Variants in ANKS1B observed in about 807,000 individuals in gnomAD.
ANKS1B encodes the protein ankyrin repeat and sterile alpha motif domain-containing protein 1B.
In ANKS1B, 36 loss-of-function variants were observed where a neutral mutation model predicts 148.3. That is an observed-to-expected ratio of 0.24 (90% CI 0.19 to 0.32). The LOEUF (loss-of-function observed/expected upper bound fraction) is 0.32. Among genes scored for constraint, ANKS1B ranks in the 10% least tolerant of loss-of-function variants. ANKS1B has a pLI of 1.00. For synonymous variants in ANKS1B, 542 were observed against 560.8 expected, an observed-to-expected ratio of 0.97 and a Z score of 0.47; for missense variants, 1,157 against 1,542.6, an observed-to-expected ratio of 0.75 and a Z score of 4.19.
intron 14 of ANKS1B, among the ~76,000 whole-genome samples, chr12:99,174,550 C>G (rs2078153223): frequency 6.6e-6 from 1 of 152,154 alleles, no homozygotes. Flanking sequence ...TAGGGTCTCT[C>G]TCCCTCTGCT....
At chr12:99,533,118 A>T (rs774038013) in intron 9 of ANKS1B, among the ~76,000 whole-genome samples, 2 of 152,208 alleles carry the variant, frequency 1.3e-5, no homozygotes, top group Non-Finnish European at 2.9e-5. Flanking sequence ...TGCTTTGAGC[A>T]GTATGGTCAT....
intron 10 of ANKS1B, among the ~76,000 whole-genome samples, chr12:99,502,515 T>C (rs1035038821): frequency 6.6e-6 from 1 of 152,194 alleles, no homozygotes; most frequent in Non-Finnish European, 1.5e-5. Context: ...TGATTCCTAA[T>C]ATCTACCCCA....
intron 14 of ANKS1B, among the ~76,000 whole-genome samples, chr12:99,188,232 A>G (rs1016559725): frequency 6.6e-6 from 1 of 152,214 alleles, no homozygotes; most frequent in Non-Finnish European, 1.5e-5. Flanking sequence ...TTAGACTCCC[A>G]CACAATAATA....
At chr12:99,527,500 G>C (rs549936727) in intron 9 of ANKS1B, among the ~76,000 whole-genome samples, 11 of 152,298 alleles carry the variant, frequency 7.2e-5, no homozygotes, top group African/African-American at 2.4e-4. Flanking sequence ...ATCCGGATTT[G>C]TGGCTCTCCC....
At chr12:98,945,279 T>C (rs542462102) in intron 17 of ANKS1B, among the ~76,000 whole-genome samples, 36 of 152,206 alleles carry the variant, frequency 2.4e-4, no homozygotes, top group African/African-American at 8.7e-4. Context: ...GCAGATCACT[T>C]GAGCTCAGGA....
chr12:99,708,485 T>TA (rs2056153172), intron 8 of ANKS1B, among the ~76,000 whole-genome samples: 1 of 152,148 alleles, frequency 6.6e-6, no homozygotes, highest in East Asian at 1.9e-4. Flanking sequence ...TTCACTGGGC[T>TA]AAAGTCAAGG....
At position 98,936,469 on chromosome 12, in the gene ANKS1B, A is replaced by G. The variant is rs941679223; in HGVS notation, c.2779-104333T>C. Among the ~76,000 whole-genome samples, 3 of 152,242 alleles carry G rather than the reference A, an allele frequency of 2.0e-5. No homozygotes were observed. The South Asian group carries it at 6.2e-4, about 32-fold the overall frequency. On this transcript the variant is annotated intron_variant, in intron 17 of 26. Coordinates refer to ENST00000683438, the MANE Select transcript of ANKS1B (RefSeq NM_001352186.2). ...TGTTGAAACCTCGTCTCTACTAAAA[A>G]TACAAAAATTAGCCGGGCGTGGTGG...
At chr12:99,302,772 A>C (rs1163886949) in intron 12 of ANKS1B, among the ~76,000 whole-genome samples, 3 of 152,182 alleles carry the variant, frequency 2.0e-5, no homozygotes, top group Admixed American at 2.0e-4. Flanking sequence ...TTCCTCTCTT[A>C]TGCAAGTATA....
chr12:99,667,422 A>G (rs990073040), intron 8 of ANKS1B, among the ~76,000 whole-genome samples: 1 of 151,696 alleles, frequency 6.6e-6, no homozygotes, highest in African/African-American at 2.4e-5. Context: ...CATGTAAAAA[A>G]AAAATTTGAT....
chr12:99,671,916 T>C (rs1055507067), intron 8 of ANKS1B, among the ~76,000 whole-genome samples: 2 of 152,244 alleles, frequency 1.3e-5, no homozygotes, highest in Non-Finnish European at 2.9e-5. Context: ...AACCTGATGT[T>C]TTCTCCCCCA....
chr12:99,700,590 A>G (rs144196953), intron 8 of ANKS1B, among the ~76,000 whole-genome samples: 2 of 152,156 alleles, frequency 1.3e-5, no homozygotes, highest in African/African-American at 2.4e-5. Context: ...TCAGCACATA[A>G]TATTTTTTTT....
intron 9 of ANKS1B, among the ~76,000 whole-genome samples, chr12:99,510,881 G>T (rs936223654): frequency 3.3e-5 from 5 of 151,970 alleles, no homozygotes; most frequent in Non-Finnish European, 5.9e-5. Context: ...TTTGTATCCT[G>T]AGAGTTTGCT....
At chr12:99,591,361 A>G (rs983079620) in intron 9 of ANKS1B, among the ~76,000 whole-genome samples, 4 of 152,084 alleles carry the variant, frequency 2.6e-5, no homozygotes, top group Non-Finnish European at 5.9e-5. Flanking sequence ...AAGAGCAAAG[A>G]AAAATATTCT....
At position 98,850,889 on chromosome 12, in the gene ANKS1B, A is replaced by G. The variant is rs532768413; in HGVS notation, c.2779-18753T>C. ...AGCCAAGACCTAACCTTATGCAGAA[A>G]AAGGAACAATGCTTTAACTAGGCAC... On this transcript the variant is annotated intron_variant, in intron 17 of 26. Coordinates refer to ENST00000683438, the MANE Select transcript of ANKS1B (RefSeq NM_001352186.2). 5.3e-5 allele frequency among the ~76,000 whole-genome samples: 8 copies of G among 152,332 alleles called. No homozygotes were observed. The South Asian group carries it at 1.7e-3, about 32-fold the overall frequency.
intron 9 of ANKS1B, among the ~76,000 whole-genome samples, chr12:99,557,823 T>G (rs2097293447): frequency 6.6e-6 from 1 of 152,270 alleles, no homozygotes; most frequent in Middle Eastern, 3.4e-3. Context: ...AAGCCGTCTT[T>G]TAGATGAGGT....
chr12:99,812,511 CCA>C (rs10539640), intron 2 of ANKS1B, among the ~76,000 whole-genome samples, 200 bp from the exon 3 acceptor site: 11,173 of 125,812 alleles, frequency 0.089, 474 homozygotes, highest in East Asian at 0.13. Context: ...TCACCCCATG[CCA>C]CACACACACA....
chr12:98,843,077 C>A (rs1448986836), intron 17 of ANKS1B, among the ~76,000 whole-genome samples: 5 of 152,158 alleles, frequency 3.3e-5, no homozygotes, highest in African/African-American at 1.2e-4. Flanking sequence ...CACTCAAGAA[C>A]CAGAGAATAA....
intron 17 of ANKS1B, among the ~76,000 whole-genome samples, chr12:98,931,448 C>G (rs2099813610): frequency 6.6e-6 from 1 of 152,234 alleles, no homozygotes; most frequent in Middle Eastern, 3.4e-3. Context: ...AATAAGGCAA[C>G]TGAATAGACA....
chr12:99,356,243 T>C (rs1017095989), intron 12 of ANKS1B, among the ~76,000 whole-genome samples: 1 of 152,150 alleles, frequency 6.6e-6, no homozygotes. Flanking sequence ...TGGCAGGCAC[T>C]GAATAGAATG....
Sources: allele counts gnomAD v4.1 joint callset (sites outside exome capture counted in the v4.1 genomes callset), GRCh38; gene constraint gnomAD v4.1.1; transcripts MANE v1.5; gene names NCBI Gene and HGNC (gene_info 2026-07-23, HGNC 2026-07-21).